The following CPVL variants were observed in gnomAD, a reference collection of about 807,000 sequenced individuals.
CPVL encodes the protein probable serine carboxypeptidase CPVL.
CPVL carries 51 observed loss-of-function variants against 63.7 expected under a neutral mutation model. The observed-to-expected ratio is 0.80, with a 90% confidence interval of 0.64 to 1.01. The LOEUF (loss-of-function observed/expected upper bound fraction) is 1.01, where lower values mean the gene tolerates loss of function less well. Among genes scored for constraint, CPVL ranks in the 50% least tolerant of loss-of-function variants. The probability of loss-of-function intolerance (pLI) is 0.00; values close to 1 mark genes in which losing one functional copy is unlikely to be tolerated. For synonymous variants in CPVL, 195 were observed against 206.0 expected (o/e 0.95, Z 0.46); for missense variants, 530 against 573.1 (o/e 0.92, Z 0.77).
At chr7:29,036,219 A>G (rs578196032) in intron 11 of CPVL, among the ~76,000 whole-genome samples, 1 of 152,184 alleles carries the variant, frequency 6.6e-6, no homozygotes, top group Admixed American at 6.5e-5. Context: ...ATGTGGGTGA[A>G]CTTCCAAGAG....
At chr7:29,121,444 G>C (rs185925026) in intron 1 of CPVL, among the ~76,000 whole-genome samples, 28 of 152,238 alleles carry the variant, frequency 1.8e-4, no homozygotes, top group Non-Finnish European at 3.7e-4. Flanking sequence ...GGGATTATAG[G>C]AGTGAACCAC....
chr7:29,008,625 T>C (rs1390770494), intron 12 of CPVL, among the ~76,000 whole-genome samples: 1 of 152,220 alleles, frequency 6.6e-6, no homozygotes, highest in Non-Finnish European at 1.5e-5. Context: ...TATTGGTTTA[T>C]ATAAATGCAG....
In CPVL at chr7:29,071,920, ACACACATCAAT is replaced by A. The variant is rs766988574; in HGVS notation, c.733-27_733-17del. ...CCCCTATAATCTGAGGACAAAAAAGACACACATCAATGTGACAAAGGGAGAGAAAGAGACCT... is the reference window on the plus strand; with the variant it reads ...CCCCTATAATCTGAGGACAAAAAAGAGTGACAAAGGGAGAGAAAGAGACCT... On this transcript the variant is annotated splice_polypyrimidine_tract_variant and intron_variant, in intron 8 of 12. Transcript: ENST00000265394. 1.2e-6 allele frequency: 2 copies of A among 1,613,810 alleles called. No individual in the cohort carries two copies. The highest frequency in any genetic ancestry group is 1.7e-6 in the Non-Finnish European group (2 of 1,179,886).
At chr7:29,190,029 C>T (rs2128753142) in intron 1 of CPVL, among the ~76,000 whole-genome samples, 1 of 152,374 alleles carries the variant, frequency 6.6e-6, no homozygotes, top group African/African-American at 2.4e-5. Flanking sequence ...GCTGCCTGCT[C>T]ATTAACCCAT....
intron 9 of CPVL, among the ~76,000 whole-genome samples, chr7:29,069,213 G>A (rs1436814100): frequency 1.3e-5 from 2 of 151,420 alleles, no homozygotes; most frequent in African/African-American, 4.8e-5. Flanking sequence ...GCCGAGGCGG[G>A]CGGATCACTT....
chr7:29,017,409 G>T (rs1054258047), intron 12 of CPVL, among the ~76,000 whole-genome samples: 2 of 152,186 alleles, frequency 1.3e-5, no homozygotes, highest in African/African-American at 2.4e-5. Flanking sequence ...CGAGGCAGGC[G>T]GATCACTTGA....
intron 2 of CPVL, 114 bp from the exon 3 acceptor site, chr7:29,112,936 C>A: frequency 1.4e-6 from 1 of 717,776 alleles, no homozygotes; most frequent in Non-Finnish European, 2.4e-6. Context: ...TAAAAGGGAA[C>A]TGGTATGACA....
chr7:29,090,194 A>AC (rs1057438551), intron 6 of CPVL, among the ~76,000 whole-genome samples: 2 of 151,776 alleles, frequency 1.3e-5, no homozygotes, highest in African/African-American at 4.8e-5. Flanking sequence ...CAAATCCAAA[A>AC]CCCCTCACAG....
At chr7:29,182,966 G>A (rs954099505) in intron 4 of CPVL, among the ~76,000 whole-genome samples, 2 of 152,068 alleles carry the variant, frequency 1.3e-5, no homozygotes, top group African/African-American at 2.4e-5. Context: ...TCTATTACAG[G>A]AAAGATTCTT....
At position 29,064,136 on chromosome 7, in the gene CPVL, T is replaced by G; in HGVS notation, c.1062A>C (p.Ile354=). Residue 354 remains isoleucine, a synonymous_variant, in exon 11 of 13, where the codon ATA becomes ATC. Transcript: ENST00000265394. ...TATCTTCTCGCAAGTACTTTTCAAC[T>G]ATAGTTCCATCATTAAAAGTCTGAT... ...VGNQTFNDGT[I]VEKYLREDTV... 6.2e-7 allele frequency: 1 copy of G among 1,612,886 alleles called. No homozygotes were observed. Among genetic ancestry groups the G allele is most frequent in the Non-Finnish European group, 8.5e-7 (1 of 1,178,888 alleles).
At chr7:29,071,951 A>G in intron 8 of CPVL, 47 bp from the exon 9 acceptor site, 1 of 1,609,026 alleles carries the variant, frequency 6.2e-7, no homozygotes, top group Non-Finnish European at 8.5e-7. Context: ...GGAGAGAAAG[A>G]GACCTTAAGG....
chr7:29,195,004 C>G (rs756182122), intron 1 of CPVL: 4 of 1,583,978 alleles, frequency 2.5e-6, no homozygotes, highest in South Asian at 2.3e-5. Flanking sequence ...AGTTTCAGCC[C>G]GTCGGGCGCT....
intron 7 of CPVL, 61 bp downstream of exon 7, chr7:29,086,423 C>A: frequency 8.7e-7 from 1 of 1,153,600 alleles, no homozygotes; most frequent in South Asian, 1.2e-5. Context: ...AAACTACACT[C>A]ATAATATATG....
chr7:29,110,962 G>A (rs1452705000), intron 3 of CPVL, among the ~76,000 whole-genome samples: 4 of 152,210 alleles, frequency 2.6e-5, no homozygotes, highest in Admixed American at 6.5e-5. Flanking sequence ...CAAGGAATGC[G>A]AGCAGCCTCT....
intron 3 of CPVL, among the ~76,000 whole-genome samples, chr7:29,111,485 C>T (rs931850507): frequency 6.6e-6 from 1 of 152,196 alleles, no homozygotes; most frequent in Admixed American, 6.5e-5. Flanking sequence ...AAGCTCTAGG[C>T]ATCTCACTTG....
Position 29,159,577 on chromosome 7 carries a change from G to A in CPVL, c.-11+21713C>T, listed in dbSNP as rs185034811. ...AGTGATGAAATGGGGTGGCTAATTCGAGAAAACCTCTTCCCACACAAGTCT... is the reference window on the plus strand; with the variant it reads ...AGTGATGAAATGGGGTGGCTAATTCAAGAAAACCTCTTCCCACACAAGTCT... On this transcript the variant is annotated intron_variant, in intron 5 of 16. Coordinates refer to the CPVL transcript ENST00000409850. 8.0e-4 allele frequency among the ~76,000 whole-genome samples: 122 copies of A among 152,142 alleles called. 1 individual carries two copies. Among genetic ancestry groups the A allele is most frequent in the Admixed American group, 2.4e-3 (36 of 15,276 alleles).
At chr7:29,027,111 C>G (rs1160604730) in intron 12 of CPVL, among the ~76,000 whole-genome samples, 1 of 151,988 alleles carries the variant, frequency 6.6e-6, no homozygotes, top group Non-Finnish European at 1.5e-5. Flanking sequence ...AAACAGAATC[C>G]AACAACACAT....
intron 7 of CPVL, among the ~76,000 whole-genome samples, chr7:29,084,664 T>C (rs1785042295): frequency 6.6e-6 from 1 of 152,130 alleles, no homozygotes; most frequent in Non-Finnish European, 1.5e-5. Flanking sequence ...TTAAAAAGGA[T>C]GAAAAAAGCA....
intron 1 of CPVL, among the ~76,000 whole-genome samples, chr7:29,135,554 G>A (rs564438387): frequency 7.9e-5 from 12 of 152,012 alleles, no homozygotes; most frequent in East Asian, 7.8e-4. Flanking sequence ...GGCTGGTCTC[G>A]AACTCCTGAC....
Sources: allele counts gnomAD v4.1 joint callset (sites outside exome capture counted in the v4.1 genomes callset), GRCh38; gene constraint gnomAD v4.1.1; transcripts MANE v1.5; gene names NCBI Gene and HGNC (gene_info 2026-07-23, HGNC 2026-07-21).